The following LAMB4 variants were observed in gnomAD, a reference collection of about 807,000 sequenced individuals.
LAMB4 encodes laminin subunit beta 4.
LAMB4 carries 196 observed loss-of-function variants against 199.2 expected under a neutral mutation model. The observed-to-expected ratio is 0.98, with a 90% CI of 0.88 to 1.11. The LOEUF is 1.11. LAMB4 is among the 50% of genes least tolerant of loss of function. The pLI is 0.00. For synonymous variants in LAMB4, 744 were observed against 770.6 expected, an observed-to-expected ratio of 0.97 and a Z score of 0.57; for missense variants, 2,080 against 2,171.2, an observed-to-expected ratio of 0.96 and a Z score of 0.83.
intron 16 of LAMB4, among the ~76,000 whole-genome samples, chr7:108,077,608 C>CA (rs1250702606): frequency 3.3e-5 from 5 of 152,198 alleles, no homozygotes; most frequent in Admixed American, 1.3e-4. Context: ...GCAGGAGAAT[C>CA]ACTTGAACCC....
intron 31 of LAMB4, among the ~76,000 whole-genome samples, chr7:108,033,044 C>G (rs1239121095): frequency 6.6e-6 from 1 of 152,012 alleles, no homozygotes; most frequent in Non-Finnish European, 1.5e-5. Flanking sequence ...TTTCAACTAC[C>G]AGGGTTCCTT....
chr7:108,083,658 C>T (rs185195991), intron 14 of LAMB4, among the ~76,000 whole-genome samples: 31 of 152,298 alleles, frequency 2.0e-4, no homozygotes, highest in Admixed American at 1.8e-3. Flanking sequence ...AATGAAACCC[C>T]AGGAGATGGG....
chr7:108,037,530 T>C lies in LAMB4; in HGVS notation c.4537A>G (p.Ile1513Val), dbSNP rs1200020184. The C allele has an allele frequency of 5.0e-6, 8 of 1,614,190 alleles. No homozygotes were observed. The highest frequency in any genetic ancestry group is 1.3e-5 in the African/African-American group (1 of 75,056). Residue 1513 changes from isoleucine (I) to valine (V), a missense_variant, in exon 30 of 34, where the codon ATT becomes GTT. Transcript: ENST00000388781. Reference sequence around the variant, plus strand: ...TCATCGGTTAGATTTTGGGATGGAATTGGTAGGTGAATGTCAAGCACACCA... The same window carrying C: ...TCATCGGTTAGATTTTGGGATGGAACTGGTAGGTGAATGTCAAGCACACCA... ...ANGVLDIHLP[I>V]PSQNLTDELV...
downstream of LAMB4, among the ~76,000 whole-genome samples, chr7:108,020,465 C>A (rs2150470822): frequency 1.7e-5 from 2 of 116,694 alleles, no homozygotes; most frequent in Admixed American, 9.9e-5. Flanking sequence ...AGCAAGACTC[C>A]ATCTCAAAAA....
the LAMB4 span, among the ~76,000 whole-genome samples, chr7:108,014,203 G>C: frequency 1.3e-5 from 2 of 152,044 alleles, no homozygotes; most frequent in African/African-American, 4.8e-5. Context: ...CCTTTATGTC[G>C]GGCAATGTTC....
intron 26 of LAMB4, among the ~76,000 whole-genome samples, chr7:108,051,296 AT>A (rs113624194): frequency 1.9e-4 from 28 of 149,424 alleles, no homozygotes; most frequent in African/African-American, 5.4e-4. Flanking sequence ...CCTGCCTTCT[AT>A]TTTTTTTTTC....
Position 108,079,600 on chromosome 7 carries a change from C to T in LAMB4, c.1887+1G>A. ...ACCAAAGTTGGAGAGTTAAAGGATA[C>T]CTGGGTTTCATAGTGAATGGCAATG... On this transcript the variant is annotated splice_donor_variant, in intron 15 of 33. Transcript: ENST00000388781. LOFTEE classifies it high-confidence loss of function. 1.2e-6 allele frequency: 2 copies of T among 1,600,594 alleles called. No homozygotes were observed.
Position 108,043,684 on chromosome 7 carries a change from T to C in LAMB4, c.4471+68A>G, listed in dbSNP as rs1206260654. ...AAGCTCCGCCTCCTGGGTTCACGTATGATGTTTGACTATACATTAAAAAGG... is the reference window on the plus strand; with the variant it reads ...AAGCTCCGCCTCCTGGGTTCACGTACGATGTTTGACTATACATTAAAAAGG... On this transcript the variant is annotated intron_variant, in intron 29 of 33. Transcript: ENST00000388781. 2 of 933,830 alleles carry C rather than the reference T, an allele frequency of 2.1e-6. 1 individual carries two copies. Among genetic ancestry groups the C allele is most frequent in the East Asian group, 6.2e-5 (2 of 32,380 alleles). The allele number at this position is 933,830 out of a possible 1,614,324, so 57.8% of individuals were successfully genotyped here. A position where few individuals can be genotyped will look rare whatever the true frequency, so the allele number is the denominator to read the frequency against.
chr7:108,108,230 G>T (rs1193827882), intron 5 of LAMB4, among the ~76,000 whole-genome samples: 1 of 152,124 alleles, frequency 6.6e-6, no homozygotes, highest in African/African-American at 2.4e-5. Context: ...TTCCTGGCCA[G>T]GTCTATCTTT....
downstream of LAMB4, among the ~76,000 whole-genome samples, chr7:108,022,957 GT>G (rs1245782981): frequency 6.6e-6 from 1 of 151,938 alleles, no homozygotes; most frequent in Non-Finnish European, 1.5e-5. Flanking sequence ...GATTACAAGC[GT>G]GCACCACCAT....
At chr7:108,018,771 G>A (rs1431924074), downstream of LAMB4, among the ~76,000 whole-genome samples, 7 of 152,220 alleles carry the variant, frequency 4.6e-5, no homozygotes, top group Admixed American at 2.6e-4. Context: ...TCACCCTCTC[G>A]CTTTACCCCT....
chr7:108,080,526 C>T (rs1264006729), intron 14 of LAMB4, among the ~76,000 whole-genome samples: 1 of 152,200 alleles, frequency 6.6e-6, no homozygotes, highest in East Asian at 1.9e-4. Flanking sequence ...AACCAAGCAT[C>T]TCAAACTCTT....
At chr7:108,097,970 G>A (rs572920427) in intron 11 of LAMB4, among the ~76,000 whole-genome samples, 87 of 152,030 alleles carry the variant, frequency 5.7e-4, no homozygotes, top group Non-Finnish European at 1.1e-3. Context: ...TCCACTAACC[G>A]CTTAGGATTT....
At position 108,068,034 on chromosome 7, in the gene LAMB4, C is replaced by T. The variant is rs1281385700; in HGVS notation, c.2428G>A (p.Gly810Arg). Reference sequence around the variant, plus strand: ...TACGTACGGTGACAGCCGTGATGCCCCAAATCATAGCTTCCAGTTGAGCAC... The same window carrying T: ...TACGTACGGTGACAGCCGTGATGCCTCAAATCATAGCTTCCAGTTGAGCAC... ...DRCSTGSYDLGHHGCHPCHCH... is the reference protein window; with the variant it reads ...DRCSTGSYDLRHHGCHPCHCH... Residue 810 changes from glycine (G) to arginine (R), a missense_variant, in exon 19 of 34, where the codon GGG (glycine) becomes AGG (arginine). By Grantham distance (125) the Gly-to-Arg change is moderately radical (BLOSUM62 -2). Coordinates refer to ENST00000388781, the MANE Select transcript of LAMB4 (RefSeq NM_007356.3). 3.1e-6 allele frequency: 5 copies of T among 1,614,140 alleles called. No homozygotes were observed. The highest frequency in any genetic ancestry group is 3.3e-5 in the Admixed American group (2 of 60,020).
At chr7:108,116,282 G>A in intron 2 of LAMB4, 121 bp from the exon 3 acceptor site, 1 of 965,630 alleles carries the variant, frequency 1.0e-6, no homozygotes, top group South Asian at 2.2e-5. Flanking sequence ...AGATGTATCA[G>A]ACTTTTAAGT....
At chr7:108,096,363 T>C (rs1015619398) in intron 11 of LAMB4, among the ~76,000 whole-genome samples, 6 of 152,240 alleles carry the variant, frequency 3.9e-5, no homozygotes, top group African/African-American at 1.4e-4. Flanking sequence ...AGAATAAGAT[T>C]CCATTGTATG....
chr7:108,042,004 CAGG>C (rs1301153133), intron 29 of LAMB4, among the ~76,000 whole-genome samples: 1 of 152,110 alleles, frequency 6.6e-6, no homozygotes, highest in Non-Finnish European at 1.5e-5. Context: ...ATAGAACTTT[CAGG>C]AGAAGTGATA....
intron 27 of LAMB4, among the ~76,000 whole-genome samples, chr7:108,048,515 G>C (rs1483230223): frequency 6.6e-6 from 1 of 152,070 alleles, no homozygotes; most frequent in East Asian, 1.9e-4. Flanking sequence ...TTATTCATAT[G>C]TTTCTTCAAT....
chr7:108,089,232 A>G (rs2037304086), intron 14 of LAMB4, among the ~76,000 whole-genome samples: 1 of 152,160 alleles, frequency 6.6e-6, no homozygotes, highest in African/African-American at 2.4e-5. Flanking sequence ...AACATGGTGC[A>G]GTATCTACTG....
Sources: gnomAD v4.1 joint callset for allele counts (sites outside exome capture counted in the v4.1 genomes callset) on GRCh38, gnomAD v4.1.1 for gene constraint, MANE v1.5 for transcripts, NCBI Gene and HGNC (gene_info 2026-07-23, HGNC 2026-07-21) for gene names.